Variants in EIPR1 observed in about 807,000 individuals in gnomAD.
EIPR1 encodes the protein EARP and GARP complex-interacting protein 1.
Under a neutral mutation model 48.1 loss-of-function variants are expected in EIPR1, and 25 were observed. The observed-to-expected ratio is 0.52, with a 90% CI of 0.38 to 0.73. The LOEUF (loss-of-function observed/expected upper bound fraction) is 0.73. EIPR1 is among the 30% of genes least tolerant of loss of function. The pLI, the probability that EIPR1 is intolerant of heterozygous loss-of-function variation, is 0.00. For synonymous variants in EIPR1, 204 were observed against 201.9 expected, an observed-to-expected ratio of 1.01 and a Z score of -0.09; for missense variants, 415 against 506.2, an observed-to-expected ratio of 0.82 and a Z score of 1.73.
intron 5 of EIPR1, among the ~76,000 whole-genome samples, chr2:3,199,061 G>GCCCCCCCCCCCC (rs1334678710): frequency 2.2e-4 from 5 of 22,604 alleles, no homozygotes; most frequent in East Asian, 4.6e-4. Context: ...ATTTTAGAGG[G>GCCCCCCCCCCCC]CCCCCCCCCC....
chr2:3,227,236 A>C (rs1442901024), intron 4 of EIPR1, among the ~76,000 whole-genome samples: 1 of 152,226 alleles, frequency 6.6e-6, no homozygotes, highest in Non-Finnish European at 1.5e-5. Flanking sequence ...AGATGCAGGA[A>C]AGTTTGGACC....
intron 5 of EIPR1, among the ~76,000 whole-genome samples, chr2:3,200,935 G>C (rs1015337666): frequency 6.6e-6 from 1 of 152,208 alleles, no homozygotes; most frequent in African/African-American, 2.4e-5. Context: ...GGAGGTGGCA[G>C]GGCCTGGGCA....
chr2:3,329,848 A>G (rs1337686999), intron 3 of EIPR1, among the ~76,000 whole-genome samples: 3 of 144,980 alleles, frequency 2.1e-5, no homozygotes, highest in East Asian at 4.3e-4. Context: ...TGAGGGTTCC[A>G]TGACCACTCT....
intron 3 of EIPR1, among the ~76,000 whole-genome samples, chr2:3,267,822 T>C (rs531132650): frequency 2.6e-5 from 4 of 152,370 alleles, no homozygotes; most frequent in South Asian, 2.1e-4. Flanking sequence ...AGAGACCGAA[T>C]GGCCTACAAA....
At chr2:3,339,346 C>A (rs1406133207) in intron 2 of EIPR1, among the ~76,000 whole-genome samples, 1 of 152,202 alleles carries the variant, frequency 6.6e-6, no homozygotes, top group Non-Finnish European at 1.5e-5. Flanking sequence ...GCGCACTCTG[C>A]AATACGTTTG....
intron 1 of EIPR1, among the ~76,000 whole-genome samples, 154 bp from the exon 2 acceptor site, chr2:3,354,787 A>C (rs553500705): frequency 6.6e-6 from 1 of 152,342 alleles, no homozygotes; most frequent in South Asian, 2.1e-4. Flanking sequence ...ATATGTATTA[A>C]ATGCCTTTGA....
intron 6 of EIPR1, among the ~76,000 whole-genome samples, chr2:3,194,703 G>T (rs1176675566): frequency 6.6e-6 from 1 of 151,742 alleles, no homozygotes; most frequent in East Asian, 1.9e-4. Flanking sequence ...GAAAGGGGGG[G>T]GCAGTGGGGA....
At chr2:3,211,116 T>C (rs983896946) in intron 5 of EIPR1, among the ~76,000 whole-genome samples, 4 of 152,146 alleles carry the variant, frequency 2.6e-5, no homozygotes, top group African/African-American at 9.7e-5. Flanking sequence ...CCTCTGAACC[T>C]AAAACGAAAG....
chr2:3,264,873 G>T (rs1360670392), intron 3 of EIPR1, among the ~76,000 whole-genome samples: 1 of 152,076 alleles, frequency 6.6e-6, no homozygotes, highest in Non-Finnish European at 1.5e-5. Context: ...TTTTAGTAGA[G>T]ACGGGGTTTC....
intron 1 of EIPR1, 123 bp downstream of exon 1, chr2:3,377,525 C>T: frequency 2.4e-6 from 3 of 1,275,694 alleles, no homozygotes; most frequent in Non-Finnish European, 3.3e-6. Flanking sequence ...AAAATGGGAA[C>T]TAGGGAACAG....
At chr2:3,245,205 G>A (rs78930643) in intron 4 of EIPR1, among the ~76,000 whole-genome samples, 15 of 87,666 alleles carry the variant, frequency 1.7e-4, no homozygotes, top group East Asian at 4.5e-4. Context: ...GTTGCGTTGC[G>A]TTGCATTGCA....
intron 4 of EIPR1, among the ~76,000 whole-genome samples, chr2:3,243,330 C>A (rs1409894756): frequency 6.6e-6 from 1 of 152,110 alleles, no homozygotes; most frequent in African/African-American, 2.4e-5. Flanking sequence ...CACTCTAACA[C>A]TAAGAATTCA....
rs1668715222 is a variant in EIPR1, at chr2:3,299,777, A to C, written c.259+38240T>G. 1.3e-5 allele frequency among the ~76,000 whole-genome samples: 2 copies of C among 152,070 alleles called. 1 individual carries two copies. Among genetic ancestry groups the C allele is most frequent in the South Asian group, 4.1e-4 (2 of 4,834 alleles). On this transcript the variant is annotated intron_variant, in intron 3 of 8. Coordinates refer to ENST00000382125, the MANE Select transcript of EIPR1 (RefSeq NM_003310.5). ...CTTATACGTCCCTAAGATGTCATTC[A>C]CCAAGCTGCATTCCCTCTCTTGACA... is the stretch of plus-strand genomic sequence containing the variant.
intron 5 of EIPR1, 36 bp downstream of exon 5, chr2:3,214,113 T>C (rs747977531): frequency 1.0e-5 from 16 of 1,592,752 alleles, no homozygotes; most frequent in Non-Finnish European, 1.2e-5. Flanking sequence ...GGTTTAAAAA[T>C]ACAGAAACAA....
At chr2:3,325,210 C>T (rs1284077906) in intron 3 of EIPR1, among the ~76,000 whole-genome samples, 2 of 152,220 alleles carry the variant, frequency 1.3e-5, no homozygotes, top group African/African-American at 4.8e-5. Flanking sequence ...CCCCAAATAT[C>T]ATCCTGCATC....
At chr2:3,276,039 T>A (rs955369669) in intron 3 of EIPR1, among the ~76,000 whole-genome samples, 7 of 152,190 alleles carry the variant, frequency 4.6e-5, no homozygotes, top group African/African-American at 7.2e-5. Flanking sequence ...ATAAGTATTT[T>A]AAAAATTTAC....
chr2:3,373,682 G>T (rs967089751), intron 1 of EIPR1, among the ~76,000 whole-genome samples: 4 of 152,096 alleles, frequency 2.6e-5, no homozygotes, highest in Non-Finnish European at 2.9e-5. Flanking sequence ...GCACATGAAG[G>T]ACCTCTTCAA....
chr2:3,353,088 A>G, intron 2 of EIPR1: 1 of 384,536 alleles, frequency 2.6e-6, no homozygotes, highest in South Asian at 2.0e-5. Context: ...ATAACTAATA[A>G]TCATTGTGTT....
At chr2:3,230,773 T>TTA (rs1330336816) in intron 4 of EIPR1, among the ~76,000 whole-genome samples, 1 of 152,186 alleles carries the variant, frequency 6.6e-6, no homozygotes, top group African/African-American at 2.4e-5. Context: ...ATATAAGAAA[T>TTA]TAGGAAGTGG....
Sources: gnomAD v4.1 joint callset for allele counts (sites outside exome capture counted in the v4.1 genomes callset) on GRCh38, gnomAD v4.1.1 for gene constraint, MANE v1.5 for transcripts, NCBI Gene and HGNC (gene_info 2026-07-23, HGNC 2026-07-21) for gene names.